The following ING3 variants were observed in gnomAD, a reference collection of about 807,000 sequenced individuals.
ING3 encodes the protein inhibitor of growth family member 3.
A neutral mutation model predicts 64.8 loss-of-function variants in ING3; 6 were observed. That is an observed-to-expected ratio of 0.09 (90% CI 0.05 to 0.18). ING3 has a LOEUF of 0.18. ING3 is among the 10% of genes least tolerant of loss of function. The pLI is 1.00. For missense variants in ING3, 310 were observed against 489.7 expected, an observed-to-expected ratio of 0.63 and a Z score of 3.46; for synonymous variants, 170 against 173.7, an observed-to-expected ratio of 0.98 and a Z score of 0.17.
intron 3 of ING3, among the ~76,000 whole-genome samples, chr7:120,954,445 A>AC (rs1795814495): frequency 6.6e-6 from 1 of 152,008 alleles, no homozygotes. Flanking sequence ...AAAAAAAAAA[A>AC]GGGTCCACTA....
chr7:120,952,669 C>G (rs1428662294), intron 2 of ING3, among the ~76,000 whole-genome samples: 1 of 151,916 alleles, frequency 6.6e-6, no homozygotes, highest in Non-Finnish European at 1.5e-5. Flanking sequence ...CTTTAAAAGG[C>G]TATTGTGGAC....
intron 11 of ING3, among the ~76,000 whole-genome samples, chr7:120,973,984 C>G (rs1210868766): frequency 6.6e-6 from 1 of 152,162 alleles, no homozygotes. Context: ...GCAACATGCT[C>G]ACGTAGATTG....
intron 4 of ING3, among the ~76,000 whole-genome samples, chr7:120,959,799 C>G (rs1795906221): frequency 6.6e-6 from 1 of 151,422 alleles, no homozygotes. Context: ...GCGCCCACCA[C>G]CACGCCCGGC....
In ING3 at chr7:120,976,029, C is replaced by T. The variant is rs1796130806; in HGVS notation, c.*1185C>T. On this transcript the variant is annotated 3_prime_UTR_variant, in exon 12 of 12. Transcript: ENST00000315870. ...GCTCCAAATTGAGCTATTTTTGATT[C>T]TACCACTTACTGATATGACAGTTAA... The T allele has an allele frequency of 6.6e-6, 1 of 152,126 alleles. No homozygotes were observed. Among genetic ancestry groups the T allele is most frequent in the African/African-American group, 2.4e-5 (1 of 41,418 alleles). The allele number at this position is 152,126 out of a possible 1,614,324, so 9.4% of individuals were successfully genotyped here. A position where few individuals can be genotyped will look rare whatever the true frequency, so the allele number is the denominator to read the frequency against.
intron 4 of ING3, chr7:120,956,101 G>A: frequency 9.2e-7 from 1 of 1,081,384 alleles, no homozygotes; most frequent in South Asian, 1.3e-5. Context: ...TGTAACAGCT[G>A]TGTCAGTTGT....
At position 120,974,871 on chromosome 7, in the gene ING3, A is replaced by G. The variant is rs531097799; in HGVS notation, c.*27A>G. The G allele has an allele frequency of 1.3e-5, 19 of 1,494,654 alleles. No individual in the cohort carries two copies. In the East Asian group the frequency reaches 2.7e-4, roughly 21 times the overall value. The allele number at this position is 1,494,654 out of a possible 1,614,324, so 92.6% of individuals were successfully genotyped here. ...GGTGGTCCTTTTGTTTGATGAAGAA[A>G]TAAACTTCAGCTGAAGATTTTATAT... On this transcript the variant is annotated 3_prime_UTR_variant, in exon 12 of 12. Transcript: ENST00000315870.
chr7:120,956,372 T>C (rs1019112356), intron 4 of ING3: 5 of 1,337,996 alleles, frequency 3.7e-6, no homozygotes, highest in Non-Finnish European at 4.8e-6. Flanking sequence ...GATTTCATAC[T>C]TATGTTGTCT....
intron 10 of ING3, among the ~76,000 whole-genome samples, chr7:120,972,209 G>T (rs563742007): frequency 6.6e-6 from 1 of 151,640 alleles, no homozygotes; most frequent in African/African-American, 2.4e-5. Context: ...TTTCTCTTTG[G>T]CTCTTCTTTC....
chr7:120,963,138 G>A lies in ING3; in HGVS notation c.268-1604G>A, dbSNP rs951944701. ...TAAATTTTGACAATGAAAGAGGTAT[G>A]CTCAAATAACAGACGTCTGTGTTCA... On this transcript the variant is annotated intron_variant, in intron 4 of 11. Coordinates refer to ENST00000315870, the MANE Select transcript of ING3 (RefSeq NM_019071.3). 1.4e-4 allele frequency among the ~76,000 whole-genome samples: 22 copies of A among 152,096 alleles called. 1 individual carries two copies. Among genetic ancestry groups the A allele is most frequent in the African/African-American group, 5.3e-4 (22 of 41,422 alleles).
In ING3 at chr7:120,950,884, T is replaced by C; in HGVS notation, c.-13T>C. 1 of 1,612,316 alleles carries C rather than the reference T, an allele frequency of 6.2e-7. No homozygotes were observed. The highest frequency in any genetic ancestry group is 8.5e-7 in the Non-Finnish European group (1 of 1,179,462). On this transcript the variant is annotated 5_prime_UTR_variant, in exon 1 of 12. Transcript: ENST00000315870. ...CCCTGGACCCCCTTGTTCCCTCAGC[T>C]CTAAGGGCCGCGATGTTGTACCTAG... is the stretch of plus-strand genomic sequence containing the variant.
chr7:120,964,936 C>A, intron 5 of ING3, 98 bp downstream of exon 5: 2 of 928,240 alleles, frequency 2.2e-6, no homozygotes, highest in Non-Finnish European at 3.4e-6. Context: ...TCCTGCCCTT[C>A]AATGGATGGT....
intron 4 of ING3, among the ~76,000 whole-genome samples, chr7:120,959,979 C>T (rs1303315910): frequency 1.3e-5 from 2 of 151,750 alleles, no homozygotes. Context: ...TTTTAGATTT[C>T]GATAAGTACA....
Position 120,966,651 on chromosome 7 carries a change from A to G in ING3, c.390A>G (p.Ser130=), listed in dbSNP as rs761137540. 1.8e-5 allele frequency: 29 copies of G among 1,613,484 alleles called. No homozygotes were observed. Among genetic ancestry groups the G allele is most frequent in the Non-Finnish European group, 2.4e-5 (28 of 1,179,516 alleles). ...GATCTTTGGAATTAGACACTCCTTCACAGCCAGTGAACAATCACCATGCTC... is the reference window on the plus strand; with the variant it reads ...GATCTTTGGAATTAGACACTCCTTCGCAGCCAGTGAACAATCACCATGCTC... ...ERRSLELDTP[S]QPVNNHHAHS... is the part of the protein sequence containing the mutation. Residue 130 remains serine, a synonymous_variant, in exon 6 of 12, where the codon TCA becomes TCG. Transcript: ENST00000315870.
chr7:120,972,665 T>C (rs1290720886), intron 10 of ING3, among the ~76,000 whole-genome samples: 1 of 152,140 alleles, frequency 6.6e-6, no homozygotes, highest in East Asian at 1.9e-4. Context: ...TCAGAAGATA[T>C]GCCATCTAGT....
rs558687655 is a variant in ING3, at chr7:120,976,644, A to C, written c.*1800A>C. The C allele has an allele frequency of 1.3e-5, 2 of 152,172 alleles. No homozygotes were observed. The highest frequency in any genetic ancestry group is 4.8e-5 in the African/African-American group (2 of 41,448). The allele number at this position is 152,172 out of a possible 1,614,324, so 9.4% of individuals were successfully genotyped here. A position where few individuals can be genotyped will look rare whatever the true frequency, so the allele number is the denominator to read the frequency against. On this transcript the variant is annotated 3_prime_UTR_variant, in exon 12 of 12. Transcript: ENST00000315870. ...TTTACATCCTCTATATATTATGACTATTCCAAACTCATTCATTTTATAGAA... is the reference window on the plus strand; with the variant it reads ...TTTACATCCTCTATATATTATGACTCTTCCAAACTCATTCATTTTATAGAA...
intron 5 of ING3, among the ~76,000 whole-genome samples, chr7:120,965,383 A>G (rs1469264662): frequency 6.6e-6 from 1 of 152,192 alleles, no homozygotes; most frequent in African/African-American, 2.4e-5. Flanking sequence ...ATCTCCTGCT[A>G]TAACTTACCC....
intron 10 of ING3, among the ~76,000 whole-genome samples, chr7:120,972,303 T>G (rs934693756): frequency 6.6e-6 from 1 of 152,150 alleles, no homozygotes; most frequent in Non-Finnish European, 1.5e-5. Context: ...TTTCTTCACA[T>G]TTAAGACTTA....
In ING3 at chr7:120,974,619, C is replaced by G. The variant is rs1369532388; in HGVS notation, c.1141-109C>G. Reference sequence around the variant, plus strand: ...ATCTAAAAATTCTGATGTCACACATCTAATTATTGTTAAATTAAATGGATT... The same window carrying G: ...ATCTAAAAATTCTGATGTCACACATGTAATTATTGTTAAATTAAATGGATT... On this transcript the variant is annotated intron_variant, in intron 11 of 11. Transcript: ENST00000315870. 5 of 569,746 alleles carry G rather than the reference C, an allele frequency of 8.8e-6. 1 individual carries two copies. The Middle Eastern group carries it at 1.2e-3, about 139-fold the overall frequency. 35.3% of individuals were successfully genotyped at this position (569,746 alleles called of 1,614,324 possible). A position where few individuals can be genotyped will look rare whatever the true frequency, so the allele number is the denominator to read the frequency against.
chr7:120,950,860 C>T lies in ING3; in HGVS notation c.-37C>T. On this transcript the variant is annotated 5_prime_UTR_variant, in exon 1 of 12. Coordinates refer to ENST00000315870, the MANE Select transcript of ING3 (RefSeq NM_019071.3). ...CGACAGCGAGTGACACAAATAAACCCCTGGACCCCCTTGTTCCCTCAGCTC... is the reference window on the plus strand; with the variant it reads ...CGACAGCGAGTGACACAAATAAACCTCTGGACCCCCTTGTTCCCTCAGCTC... 2 of 1,612,956 alleles carry T rather than the reference C, an allele frequency of 1.2e-6. No homozygotes were observed. The highest frequency in any genetic ancestry group is 1.7e-6 in the Non-Finnish European group (2 of 1,179,400).
Sources: gnomAD v4.1 joint callset for allele counts (sites outside exome capture counted in the v4.1 genomes callset) on GRCh38, gnomAD v4.1.1 for gene constraint, MANE v1.5 for transcripts, NCBI Gene and HGNC (gene_info 2026-07-23, HGNC 2026-07-21) for gene names.